The following PEMT variants were observed in gnomAD, a reference collection of about 807,000 sequenced individuals.
PEMT encodes the protein phospholipid methyltransferase.
A neutral mutation model predicts 27.4 loss-of-function variants in PEMT; 23 were observed. The ratio of observed to expected loss-of-function variants is 0.84; its 90% CI spans 0.60 to 1.19. The LOEUF (loss-of-function observed/expected upper bound fraction) is 1.19, where lower values mean the gene tolerates loss of function less well. Among genes scored for constraint, PEMT ranks in the 50% most tolerant of loss-of-function variants. The pLI is 0.00. For missense variants in PEMT, 307 were observed against 310.1 expected (o/e 0.99, Z 0.07); for synonymous variants, 137 against 139.1 (o/e 0.98, Z 0.11).
At chr17:17,520,674 T>G (rs1044396726) in intron 3 of PEMT, among the ~76,000 whole-genome samples, 1 of 152,136 alleles carries the variant, frequency 6.6e-6, no homozygotes, top group African/African-American at 2.4e-5. Context: ...TGGGGAAGCC[T>G]CTTCACATCA....
chr17:17,509,675 C>G, intron 4 of PEMT, 130 bp from the exon 5 acceptor site: 1 of 687,256 alleles, frequency 1.5e-6, no homozygotes. Flanking sequence ...CAGGAGACTT[C>G]AGAGAGTTCA....
intron 2 of PEMT, among the ~76,000 whole-genome samples, chr17:17,576,496 G>A (rs1911598999): frequency 6.6e-6 from 1 of 152,240 alleles, no homozygotes; most frequent in South Asian, 2.1e-4. Flanking sequence ...GAACACACGA[G>A]GGGTGGGAGA....
intron 3 of PEMT, chr17:17,519,041 T>G (rs1907067655): frequency 6.6e-6 from 1 of 152,260 alleles, no homozygotes; most frequent in South Asian, 2.1e-4. Context: ...AGACAGCCAC[T>G]GAAGCGAGGC....
In PEMT at chr17:17,512,501, G is replaced by C. The variant is rs552269185; in HGVS notation, c.466+8C>G. 2.3e-5 allele frequency: 37 copies of C among 1,583,824 alleles called. No homozygotes were observed. In the South Asian group the frequency reaches 3.9e-4, roughly 17 times the overall value. On this transcript the variant is annotated splice_region_variant and intron_variant, in intron 4 of 6. Coordinates refer to ENST00000255389, the MANE Select transcript of PEMT (RefSeq NM_148172.3). This position sits in a 1 kb window ranked among gnomAD's most constrained non-coding sequence, Gnocchi z 6.3. ...TGCTCAGGGTCACCCCAGCCCTCAG[G>C]GTCTTACCTAGGAAAGTTCCAGCGA... is the stretch of plus-strand genomic sequence containing the variant.
At chr17:17,556,649 C>G (rs533324425) in intron 2 of PEMT, among the ~76,000 whole-genome samples, 4 of 152,244 alleles carry the variant, frequency 2.6e-5, no homozygotes, top group African/African-American at 9.6e-5. Flanking sequence ...GCTGGGATTA[C>G]AGGTGTGAGC....
Position 17,569,170 on chromosome 17 carries a change from T to C in PEMT, c.204+7750A>G, listed in dbSNP as rs1327168139. The stretch of plus-strand genomic sequence containing the variant: ...CGGCCAGAGGGACAGGTCAGCGTCC[T>C]GATACAGACATAAGGCCTGCTGCCC... On this transcript the variant is annotated intron_variant, in intron 2 of 6. Transcript: ENST00000255389. Among the ~76,000 whole-genome samples the C allele has an allele frequency of 4.6e-5, 7 of 152,356 alleles. No individual in the cohort carries two copies. The East Asian group carries it at 5.8e-4, about 13-fold the overall frequency.
At chr17:17,536,486 G>A (rs1015129556) in intron 2 of PEMT, among the ~76,000 whole-genome samples, 6 of 152,200 alleles carry the variant, frequency 3.9e-5, no homozygotes, top group African/African-American at 1.4e-4. Context: ...CTCCGGGTCC[G>A]AAGCACAACC....
chr17:17,549,346 C>G (rs1275990286), intron 2 of PEMT, among the ~76,000 whole-genome samples: 1 of 152,204 alleles, frequency 6.6e-6, no homozygotes, highest in Non-Finnish European at 1.5e-5. Flanking sequence ...CATGCCACCA[C>G]ACCTGGCTAA....
intron 2 of PEMT, among the ~76,000 whole-genome samples, chr17:17,567,008 G>A (rs187211656): frequency 7.9e-4 from 121 of 152,366 alleles, no homozygotes; most frequent in Non-Finnish European, 1.4e-3. Flanking sequence ...TTCGGTTAGG[G>A]TGATTCTGCT....
chr17:17,520,304 G>A (rs750316496), intron 3 of PEMT, among the ~76,000 whole-genome samples: 7 of 152,186 alleles, frequency 4.6e-5, no homozygotes, highest in East Asian at 1.9e-4. Context: ...CCCATCTCCC[G>A]TCCCCTGATG....
Position 17,506,261 on chromosome 17 carries a change from C to G in PEMT, c.619G>C (p.Ala207Pro). 6.3e-7 allele frequency: 1 copy of G among 1,585,154 alleles called. No homozygotes were observed. The change falls in exon 6 of 7, where the codon GCC becomes CCC. Residue 207 changes from alanine (A) to proline (P), a missense_variant. Coordinates refer to ENST00000255389, the MANE Select transcript of PEMT (RefSeq NM_148172.3). ...AGGAGAGCCACTATGTAGGTGAGGG[C>G]CACCAGCACCGTCAGGAGCAGGCCC... ...PTGLLLTVLV[A>P]LTYIVALLYE...
chr17:17,591,066 G>A (rs1268738899), intron 1 of PEMT, among the ~76,000 whole-genome samples: 1 of 152,170 alleles, frequency 6.6e-6, no homozygotes, highest in East Asian at 1.9e-4. Context: ...GGATGGACGG[G>A]AGCAGGGGCC....
intron 2 of PEMT, among the ~76,000 whole-genome samples, chr17:17,556,521 G>A (rs1324241924): frequency 6.6e-6 from 1 of 152,088 alleles, no homozygotes; most frequent in Non-Finnish European, 1.5e-5. Context: ...TTACAGGCAC[G>A]TGCCACCACA....
chr17:17,547,394 T>C (rs556180522), intron 2 of PEMT, among the ~76,000 whole-genome samples: 1 of 152,254 alleles, frequency 6.6e-6, no homozygotes, highest in African/African-American at 2.4e-5. Context: ...CTGTGCCGCA[T>C]GGACTCTGTG....
intron 2 of PEMT, among the ~76,000 whole-genome samples, chr17:17,575,942 T>C (rs1346268769): frequency 6.6e-6 from 1 of 152,222 alleles, no homozygotes; most frequent in Non-Finnish European, 1.5e-5. Flanking sequence ...TGTTCTGCCC[T>C]GGGATCAAGG....
intron 2 of PEMT, among the ~76,000 whole-genome samples, chr17:17,524,337 T>C (rs761007042): frequency 2.0e-5 from 3 of 152,230 alleles, no homozygotes; most frequent in Non-Finnish European, 4.4e-5. Context: ...AATCTATTTA[T>C]TGAAGAGCTG....
At position 17,577,016 on chromosome 17, in the gene PEMT, G is replaced by C. The variant is rs753726492; in HGVS notation, c.108C>G (p.Cys36Trp). The change falls in exon 2 of 7, where the codon TGC (cysteine) becomes TGG (tryptophan). Residue 36 changes from cysteine (C) to tryptophan (W), a missense_variant. Coordinates refer to ENST00000255389, the MANE Select transcript of PEMT (RefSeq NM_148172.3). ...GNIDFRQADF[C>W]VMTRLLGYVD... Reference sequence around the variant, plus strand: ...CGTAGCCCAGCAGCCGGGTCATAACGCAGAAGTCTGCCTGCAGGGACAGAG... The same window carrying C: ...CGTAGCCCAGCAGCCGGGTCATAACCCAGAAGTCTGCCTGCAGGGACAGAG... 6.2e-7 allele frequency: 1 copy of C among 1,613,456 alleles called. No homozygotes were observed. Among genetic ancestry groups the C allele is most frequent in the Non-Finnish European group, 8.5e-7 (1 of 1,179,584 alleles).
rs1191367563 is a variant in PEMT at position 17,576,904 on chromosome 17, C to T, written c.204+16G>A. On this transcript the variant is annotated intron_variant, in intron 2 of 6. Coordinates refer to ENST00000255389, the MANE Select transcript of PEMT (RefSeq NM_148172.3). ...TGAGATACTCCCGTCTGGACAGTGT[C>T]AGGCACATCACTTACCACATTCCAG... is the stretch of plus-strand genomic sequence containing the variant. 1 of 1,597,220 alleles carries T rather than the reference C, an allele frequency of 6.3e-7. No individual in the cohort carries two copies. Among genetic ancestry groups the T allele is most frequent in the South Asian group, 1.1e-5 (1 of 90,724 alleles).
intron 5 of PEMT, 145 bp downstream of exon 5, chr17:17,509,289 G>C: frequency 1.7e-6 from 1 of 605,552 alleles, no homozygotes; most frequent in South Asian, 2.2e-5. Flanking sequence ...CTGAGAAAGG[G>C]AGAACCAGGG....
Sources: allele counts gnomAD v4.1 joint callset (sites outside exome capture counted in the v4.1 genomes callset), GRCh38; gene constraint gnomAD v4.1.1; non-coding constraint Gnocchi (gnomAD v3.1); transcripts MANE v1.5; gene names NCBI Gene and HGNC (gene_info 2026-07-23, HGNC 2026-07-21).